The following NRG1 variants were observed in gnomAD, a reference collection of about 807,000 sequenced individuals.
The protein encoded by NRG1 is pro-neuregulin-1, membrane-bound isoform.
A neutral mutation model predicts 63.8 loss-of-function variants in NRG1; 18 were observed. The ratio of observed to expected loss-of-function variants is 0.28; its 90% CI spans 0.19 to 0.42. NRG1 has a LOEUF of 0.42. Among genes scored for constraint, NRG1 ranks in the 10% least tolerant of loss-of-function variants. The pLI, the probability that NRG1 is intolerant of heterozygous loss-of-function variation, is 1.00. For missense variants in NRG1, 762 were observed against 814.7 expected, an observed-to-expected ratio of 0.94 and a Z score of 0.79; for synonymous variants, 302 against 301.3, an observed-to-expected ratio of 1.00 and a Z score of -0.02.
intron 1 of NRG1, among the ~76,000 whole-genome samples, chr8:32,016,715 A>T (rs1164301200): frequency 6.6e-6 from 1 of 152,130 alleles, no homozygotes; most frequent in Non-Finnish European, 1.5e-5. Context: ...TCCATTCCCA[A>T]TTTAAATGTT....
chr8:32,061,519 A>T (rs970013122), intron 1 of NRG1, among the ~76,000 whole-genome samples: 1 of 151,888 alleles, frequency 6.6e-6, no homozygotes, highest in African/African-American at 2.4e-5. Context: ...TCCACTTGTG[A>T]TCTGTAAAAT....
intron 1 of NRG1, among the ~76,000 whole-genome samples, chr8:32,162,595 G>C (rs1384050145): frequency 6.6e-6 from 1 of 152,108 alleles, no homozygotes; most frequent in South Asian, 2.1e-4. Flanking sequence ...AAAGGCCTCA[G>C]ACCCCTTACC....
chr8:32,772,039 ATGTATATATATATATATATATATATAT>A (rs1831852392), downstream of NRG1, among the ~76,000 whole-genome samples: 12 of 45,290 alleles, frequency 2.6e-4, no homozygotes, highest in African/African-American at 6.1e-4. Flanking sequence ...AAAAAAAAAT[ATGTATATATATATATATATATATATAT>A]ATATATATAT....
At chr8:32,598,046 G>A (rs1843670887) in intron 2 of NRG1, among the ~76,000 whole-genome samples, 1 of 152,112 alleles carries the variant, frequency 6.6e-6, no homozygotes, top group African/African-American at 2.4e-5. Flanking sequence ...CTACGTGGCT[G>A]TCAAAGGATA....
intron 1 of NRG1, among the ~76,000 whole-genome samples, chr8:32,439,377 G>A (rs560804643): frequency 1.3e-5 from 2 of 152,032 alleles, no homozygotes; most frequent in Non-Finnish European, 2.9e-5. Context: ...TTTTTATTTG[G>A]CAGTTTTATT....
chr8:32,364,201 G>T (rs1807645064), intron 1 of NRG1, among the ~76,000 whole-genome samples: 1 of 147,982 alleles, frequency 6.8e-6, no homozygotes, highest in Non-Finnish European at 1.5e-5. Flanking sequence ...ATTGATAGAT[G>T]ATAGATCAGT....
chr8:32,144,937 A>G lies in NRG1; in HGVS notation c.38-450891A>G, dbSNP rs145444476. ...AGAATATGAAGTTTGAGGGAAAACT[A>G]TTGCCCTTATTCTTGTCGATTTGTT... On this transcript the variant is annotated intron_variant, in intron 1 of 10. Transcript: ENST00000519301. 5.1e-3 allele frequency among the ~76,000 whole-genome samples: 783 copies of G among 152,228 alleles called. 10 individuals carry two copies. The highest frequency in any genetic ancestry group is 0.018 in the African/African-American group (748 of 41,536).
At chr8:31,752,970 G>A (rs1488035028) in intron 1 of NRG1, among the ~76,000 whole-genome samples, 1 of 151,878 alleles carries the variant, frequency 6.6e-6, no homozygotes, top group Non-Finnish European at 1.5e-5. Context: ...TTTTATTCTT[G>A]GCTTTGTCAC....
At chr8:31,956,999 G>A (rs1219544622) in intron 1 of NRG1, among the ~76,000 whole-genome samples, 2 of 151,996 alleles carry the variant, frequency 1.3e-5, no homozygotes, top group South Asian at 2.1e-4. Context: ...TTTCTACCAG[G>A]GTGAAATAGA....
At chr8:32,430,105 C>T (rs559087826) in intron 1 of NRG1, among the ~76,000 whole-genome samples, 2 of 152,130 alleles carry the variant, frequency 1.3e-5, no homozygotes, top group African/African-American at 4.8e-5. Flanking sequence ...AGTGTGTTTC[C>T]AGCCTTAGGA....
At chr8:32,551,743 A>G (rs1367600326) in intron 1 of NRG1, among the ~76,000 whole-genome samples, 2 of 152,084 alleles carry the variant, frequency 1.3e-5, no homozygotes, top group East Asian at 1.9e-4. Flanking sequence ...TCTTTGCTCA[A>G]AATAAGCAAG....
intron 1 of NRG1, among the ~76,000 whole-genome samples, chr8:32,466,272 A>G (rs1017406143): frequency 3.3e-5 from 5 of 151,974 alleles, no homozygotes; most frequent in African/African-American, 9.7e-5. Flanking sequence ...GGCTGCAGTG[A>G]GCCATGTTTA....
At chr8:31,805,486 A>G (rs545724106) in intron 1 of NRG1, among the ~76,000 whole-genome samples, 17 of 152,226 alleles carry the variant, frequency 1.1e-4, no homozygotes, top group African/African-American at 4.1e-4. Flanking sequence ...CCTTGAAGAA[A>G]ATATATCTTT....
chr8:32,271,384 A>T (rs2129472445), intron 1 of NRG1, among the ~76,000 whole-genome samples: 1 of 152,304 alleles, frequency 6.6e-6, no homozygotes, highest in East Asian at 1.9e-4. Flanking sequence ...AGATGTGGGG[A>T]TTCAGAGATG....
At chr8:32,586,425 T>G (rs1841628828) in intron 1 of NRG1, among the ~76,000 whole-genome samples, 1 of 152,174 alleles carries the variant, frequency 6.6e-6, no homozygotes, top group Non-Finnish European at 1.5e-5. Context: ...TCTCACCTAA[T>G]AAACCTGCAT....
intron 1 of NRG1, among the ~76,000 whole-genome samples, chr8:32,122,787 A>G (rs1232100543): frequency 7.0e-6 from 1 of 142,248 alleles, no homozygotes; most frequent in Non-Finnish European, 1.5e-5. Context: ...CCCCCACCCC[A>G]CAACAGTCCC....
intron 1 of NRG1, among the ~76,000 whole-genome samples, chr8:32,329,564 C>T (rs7830691): frequency 0.2 from 30,916 of 151,912 alleles, 3,797 homozygotes; most frequent in Non-Finnish European, 0.29. Flanking sequence ...TGTAAAAGGC[C>T]GAGTCTAAGT....
intron 1 of NRG1, among the ~76,000 whole-genome samples, chr8:32,452,982 T>C (rs1327096590): frequency 2.0e-5 from 3 of 152,188 alleles, no homozygotes; most frequent in Non-Finnish European, 4.4e-5. Context: ...TATTTTTCCA[T>C]TTTAGAATGC....
chr8:32,515,688 C>T (rs1478996527), intron 1 of NRG1, among the ~76,000 whole-genome samples: 2 of 152,146 alleles, frequency 1.3e-5, no homozygotes, highest in African/African-American at 2.4e-5. Flanking sequence ...GATCCTCCCA[C>T]CTTAGCCTCC....
Sources: gnomAD v4.1 joint callset for allele counts (sites outside exome capture counted in the v4.1 genomes callset) on GRCh38, gnomAD v4.1.1 for gene constraint, MANE v1.5 for transcripts, NCBI Gene and HGNC (gene_info 2026-07-23, HGNC 2026-07-21) for gene names.